Variants in SNTG1 observed in about 807,000 individuals in gnomAD.
SNTG1 encodes the protein syntrophin gamma 1, also known as gamma-1-syntrophin.
SNTG1 carries 39 observed loss-of-function variants against 74.7 expected under a neutral mutation model. The observed-to-expected ratio is 0.52, with a 90% CI of 0.40 to 0.68. The LOEUF is 0.68. SNTG1 is among the 30% of genes least tolerant of loss of function. The probability of loss-of-function intolerance (pLI) is 0.00; values close to 1 mark genes in which losing one functional copy is unlikely to be tolerated. For synonymous variants in SNTG1, 254 were observed against 217.1 expected, an observed-to-expected ratio of 1.17 and a Z score of -1.49; for missense variants, 685 against 609.5, an observed-to-expected ratio of 1.12 and a Z score of -1.30.
chr8:50,719,510 A>G (rs1400016297), intron 17 of SNTG1, among the ~76,000 whole-genome samples: 5 of 152,210 alleles, frequency 3.3e-5, no homozygotes, highest in African/African-American at 4.8e-5. Flanking sequence ...TCAGTCCTGG[A>G]TATTTTGTTA....
At chr8:50,355,235 G>T (rs1035254140) in intron 2 of SNTG1, among the ~76,000 whole-genome samples, 1 of 146,260 alleles carries the variant, frequency 6.8e-6, no homozygotes, top group African/African-American at 2.6e-5. Context: ...GAAACACTTG[G>T]AAATTAAATA....
chr8:50,793,019 C>T lies in SNTG1; in HGVS notation c.*190C>T. On this transcript the variant is annotated 3_prime_UTR_variant, in exon 19 of 19. Coordinates refer to ENST00000642720, the MANE Select transcript of SNTG1 (RefSeq NM_018967.5). ...TTCTGGATGACATCTGTGAAATATA[C>T]TACATGAACAGAACAGCTTGTTCTC... The T allele has an allele frequency of 2.1e-6, 1 of 478,396 alleles. No individual in the cohort carries two copies. The highest frequency in any genetic ancestry group is 3.6e-6 in the Non-Finnish European group (1 of 281,490). 29.6% of individuals were successfully genotyped at this position (478,396 alleles called of 1,614,324 possible).
At chr8:50,571,929 A>G (rs2130766426) in intron 12 of SNTG1, among the ~76,000 whole-genome samples, 1 of 152,064 alleles carries the variant, frequency 6.6e-6, no homozygotes, top group Non-Finnish European at 1.5e-5. Context: ...AAAGCCAAGG[A>G]CCCCTGATGA....
chr8:50,038,996 C>T (rs753810999), intron 1 of SNTG1, among the ~76,000 whole-genome samples: 1 of 152,154 alleles, frequency 6.6e-6, no homozygotes, highest in Non-Finnish European at 1.5e-5. Flanking sequence ...TGGGGAACTC[C>T]GATGACACAT....
At chr8:50,049,297 T>G (rs371318079) in intron 1 of SNTG1, among the ~76,000 whole-genome samples, 2 of 152,162 alleles carry the variant, frequency 1.3e-5, no homozygotes, top group African/African-American at 4.8e-5. Flanking sequence ...AAGAAACAGA[T>G]AGACAACTTG....
chr8:50,168,181 TC>T (rs540301920), intron 1 of SNTG1, among the ~76,000 whole-genome samples: 220 of 152,246 alleles, frequency 1.4e-3, no homozygotes, highest in African/African-American at 4.8e-3. Flanking sequence ...CTGAAAAAAA[TC>T]TACACATCTT....
chr8:50,299,178 T>G (rs917413048), intron 2 of SNTG1, among the ~76,000 whole-genome samples: 4 of 151,918 alleles, frequency 2.6e-5, no homozygotes, highest in African/African-American at 9.7e-5. Context: ...AAGGGTACCA[T>G]GAGAAAGAGA....
intron 2 of SNTG1, among the ~76,000 whole-genome samples, chr8:50,258,894 A>G (rs1479232041): frequency 1.3e-5 from 2 of 152,194 alleles, no homozygotes; most frequent in Admixed American, 6.5e-5. Flanking sequence ...TTTAAAACAT[A>G]GTAGTTGAAA....
At chr8:50,771,201 T>G (rs2095626314) in intron 18 of SNTG1, among the ~76,000 whole-genome samples, 1 of 152,004 alleles carries the variant, frequency 6.6e-6, no homozygotes, top group African/African-American at 2.4e-5. Flanking sequence ...AGGGTGATTC[T>G]GGTGAGGACT....
At chr8:50,398,561 A>G (rs796803222) in intron 3 of SNTG1, among the ~76,000 whole-genome samples, 5 of 152,280 alleles carry the variant, frequency 3.3e-5, no homozygotes, top group African/African-American at 1.2e-4. Context: ...TCCCTCATGA[A>G]TATTAAATTC....
intron 1 of SNTG1, among the ~76,000 whole-genome samples, chr8:50,157,254 A>G (rs896955108): frequency 3.3e-5 from 5 of 152,080 alleles, no homozygotes; most frequent in Non-Finnish European, 7.4e-5. Context: ...AGGTAAATTA[A>G]TCTATGATGA....
At chr8:50,031,696 T>TA (rs946541652) in intron 1 of SNTG1, among the ~76,000 whole-genome samples, 7 of 152,150 alleles carry the variant, frequency 4.6e-5, no homozygotes, top group Admixed American at 2.6e-4. Context: ...ATGTAGTGTA[T>TA]AATTCCCTTT....
At chr8:50,475,569 C>T (rs1173429908) in intron 8 of SNTG1, among the ~76,000 whole-genome samples, 1 of 152,088 alleles carries the variant, frequency 6.6e-6, no homozygotes, top group Non-Finnish European at 1.5e-5. Context: ...TAGTAGATCC[C>T]AGTAAAATTC....
chr8:50,255,058 T>C (rs1030939083), intron 2 of SNTG1, among the ~76,000 whole-genome samples: 1 of 151,534 alleles, frequency 6.6e-6, no homozygotes, highest in Admixed American at 6.6e-5. Flanking sequence ...TATTTATCAC[T>C]GTGATTTTGT....
chr8:50,668,418 T>A (rs1400354445), intron 15 of SNTG1, among the ~76,000 whole-genome samples: 1 of 151,322 alleles, frequency 6.6e-6, no homozygotes, highest in African/African-American at 2.4e-5. Context: ...CTTGTTTTGT[T>A]TTTTTTTCCA....
intron 1 of SNTG1, chr8:50,164,362 C>A (rs1013418046): frequency 6.6e-6 from 1 of 152,112 alleles, no homozygotes; most frequent in African/African-American, 2.4e-5. Flanking sequence ...TTCCAGAGAA[C>A]TGGCAATTCT....
intron 15 of SNTG1, among the ~76,000 whole-genome samples, chr8:50,671,833 G>A (rs180891534): frequency 7.0e-4 from 106 of 151,920 alleles, no homozygotes; most frequent in African/African-American, 2.4e-3. Flanking sequence ...AGAAAATGTG[G>A]CACATATACA....
intron 18 of SNTG1, among the ~76,000 whole-genome samples, chr8:50,771,086 G>C (rs148050416): frequency 3.8e-4 from 58 of 152,200 alleles, no homozygotes; most frequent in African/African-American, 1.3e-3. Flanking sequence ...TTGCTCTACA[G>C]ATATCTGAAA....
chr8:50,127,960 A>T (rs2081199183), intron 1 of SNTG1, among the ~76,000 whole-genome samples: 1 of 152,084 alleles, frequency 6.6e-6, no homozygotes, highest in East Asian at 1.9e-4. Context: ...TTTTAAATGT[A>T]TGTATATCGT....
Sources: allele counts gnomAD v4.1 joint callset (sites outside exome capture counted in the v4.1 genomes callset), GRCh38; gene constraint gnomAD v4.1.1; transcripts MANE v1.5; gene names NCBI Gene and HGNC (gene_info 2026-07-23, HGNC 2026-07-21).